DCT: variants seen among roughly 807,000 people sequenced by gnomAD.
DCT encodes the protein dopachrome tautomerase, also known as L-dopachrome tautomerase.
Under a neutral mutation model 53.0 loss-of-function variants are expected in DCT, and 47 were observed. That is an observed-to-expected ratio of 0.89 (90% CI 0.70 to 1.13). The LOEUF is 1.13. Ranked by LOEUF, DCT falls within the 50% of genes most tolerant of loss-of-function variation. DCT has a pLI of 0.00. For synonymous variants in DCT, 244 were observed against 237.0 expected (o/e 1.03, Z -0.27); for missense variants, 669 against 637.4 (o/e 1.05, Z -0.53).
chr13:94,458,082 G>A (rs1297435023), intron 6 of DCT, among the ~76,000 whole-genome samples: 2 of 152,106 alleles, frequency 1.3e-5, no homozygotes, highest in African/African-American at 2.4e-5. Flanking sequence ...TGCAAGATGC[G>A]TGACACCCCC....
chr13:94,454,442 T>C (rs1883283832), intron 6 of DCT, among the ~76,000 whole-genome samples: 1 of 152,202 alleles, frequency 6.6e-6, no homozygotes. Context: ...TTTTTCTCTT[T>C]TCTGGATTAT....
intron 1 of DCT, among the ~76,000 whole-genome samples, chr13:94,477,949 T>G (rs1885206027): frequency 6.6e-6 from 1 of 152,078 alleles, no homozygotes; most frequent in South Asian, 2.1e-4. Context: ...ATATGGCTGC[T>G]GGAAACTGGA....
the DCT span, among the ~76,000 whole-genome samples, chr13:94,508,168 G>A: frequency 2.6e-5 from 4 of 152,190 alleles, no homozygotes; most frequent in African/African-American, 9.7e-5. Flanking sequence ...TGCCCTAATT[G>A]TTTGTCATAA....
the DCT span, among the ~76,000 whole-genome samples, chr13:94,488,839 TAC>T: frequency 1.9e-4 from 28 of 146,098 alleles, no homozygotes; most frequent in Non-Finnish European, 3.2e-4. Flanking sequence ...TACATACATA[TAC>T]ACACACATAT....
rs1319962978 is a variant in DCT at position 94,472,532 on chromosome 13, A to C, written c.296-3487T>G. Among the ~76,000 whole-genome samples, 4 of 15,952 alleles carry C rather than the reference A, an allele frequency of 2.5e-4. No homozygotes were observed. The East Asian group carries it at 9.4e-3, about 38-fold the overall frequency. The allele number at this position is 15,952 out of a possible 152,430, so 10.5% of individuals were successfully genotyped here. A position where few individuals can be genotyped will look rare whatever the true frequency, so the allele number is the denominator to read the frequency against. ...TATATACATACATACATATATATAT[A>C]TATATATATATATATATATATATAT... is the stretch of plus-strand genomic sequence containing the variant. On this transcript the variant is annotated intron_variant, in intron 1 of 7. Coordinates refer to ENST00000377028, the MANE Select transcript of DCT (RefSeq NM_001922.5).
intron 6 of DCT, among the ~76,000 whole-genome samples, chr13:94,458,193 C>T (rs749389782): frequency 1.3e-5 from 2 of 152,078 alleles, no homozygotes; most frequent in African/African-American, 4.8e-5. Context: ...TATCAAGATA[C>T]CCACTCATAG....
chr13:94,444,750 A>T (rs1389704862), intron 6 of DCT, among the ~76,000 whole-genome samples: 1 of 152,216 alleles, frequency 6.6e-6, no homozygotes, highest in Non-Finnish European at 1.5e-5. Context: ...TACTTATTTC[A>T]GTAAATACTT....
At chr13:94,445,427 A>G (rs1161971275) in intron 6 of DCT, among the ~76,000 whole-genome samples, 1 of 152,222 alleles carries the variant, frequency 6.6e-6, no homozygotes, top group Non-Finnish European at 1.5e-5. Context: ...ACCAACTCAT[A>G]TAGAGTGACC....
the DCT span, among the ~76,000 whole-genome samples, chr13:94,508,783 G>C: frequency 6.6e-6 from 1 of 152,208 alleles, no homozygotes; most frequent in South Asian, 2.1e-4. Context: ...TTTCTAACCA[G>C]ATAGTCCAAT....
At chr13:94,543,235 G>A in the DCT span, among the ~76,000 whole-genome samples, 2 of 151,994 alleles carry the variant, frequency 1.3e-5, no homozygotes, top group Non-Finnish European at 2.9e-5. Context: ...GAGATAACGA[G>A]GTAATAGAAT....
upstream of DCT, among the ~76,000 whole-genome samples, chr13:94,484,271 A>G (rs1204980632): frequency 6.6e-6 from 1 of 152,214 alleles, no homozygotes; most frequent in African/African-American, 2.4e-5. Context: ...GCAAAAAGCA[A>G]GTCCGCGGGC....
At chr13:94,498,918 C>T in the DCT span, among the ~76,000 whole-genome samples, 31 of 151,906 alleles carry the variant, frequency 2.0e-4, no homozygotes, top group Admixed American at 6.6e-5. Flanking sequence ...GCTCTGTGTC[C>T]AGCTAAAGGA....
the DCT span, among the ~76,000 whole-genome samples, chr13:94,496,200 T>C: frequency 6.6e-6 from 1 of 152,094 alleles, no homozygotes. Flanking sequence ...CATTATTTAT[T>C]TTTATTTTTA....
chr13:94,522,681 G>C, the DCT span, among the ~76,000 whole-genome samples: 79 of 152,248 alleles, frequency 5.2e-4, no homozygotes, highest in South Asian at 0.016. Flanking sequence ...GAGCCTACAG[G>C]GTATGTTGAC....
intron 1 of DCT, among the ~76,000 whole-genome samples, chr13:94,472,521 CATATATATATATATAT>C (rs1555334365): frequency 4.5e-3 from 113 of 25,266 alleles, no homozygotes; most frequent in East Asian, 0.022. Context: ...TACATACATA[CATATATATATATATAT>C]ATATATATAT....
At chr13:94,461,886 C>T (rs1883813870) in intron 5 of DCT, 124 bp downstream of exon 5, 1 of 735,076 alleles carries the variant, frequency 1.4e-6, no homozygotes, top group African/African-American at 1.8e-5. Context: ...TCTCGTTAGG[C>T]CTCTCTCCAT....
chr13:94,456,741 A>C (rs940935379), intron 6 of DCT, among the ~76,000 whole-genome samples: 1 of 152,244 alleles, frequency 6.6e-6, no homozygotes, highest in Non-Finnish European at 1.5e-5. Flanking sequence ...CAGAAGCTCC[A>C]TGTGGTTCAA....
At chr13:94,476,592 C>G (rs1885103394) in intron 1 of DCT, among the ~76,000 whole-genome samples, 1 of 151,328 alleles carries the variant, frequency 6.6e-6, no homozygotes, top group Non-Finnish European at 1.5e-5. Context: ...TCTCCTGTCT[C>G]AGCCTCCCAA....
the DCT span, among the ~76,000 whole-genome samples, chr13:94,501,907 G>A: frequency 3.9e-5 from 6 of 152,164 alleles, no homozygotes; most frequent in Non-Finnish European, 5.9e-5. Context: ...CCCAAAGTTC[G>A]CTATCTTGTA....
Sources: gnomAD v4.1 joint callset for allele counts (sites outside exome capture counted in the v4.1 genomes callset) on GRCh38, gnomAD v4.1.1 for gene constraint, MANE v1.5 for transcripts, NCBI Gene and HGNC (gene_info 2026-07-23, HGNC 2026-07-21) for gene names.